The following PCM1 variants were observed in gnomAD, a reference collection of about 807,000 sequenced individuals.
PCM1 encodes pericentriolar material 1 protein.
Under a neutral mutation model 241.9 loss-of-function variants are expected in PCM1, and 157 were observed. The observed-to-expected ratio is 0.65, with a 90% CI of 0.57 to 0.74. The LOEUF is 0.74. PCM1 is among the 30% of genes least tolerant of loss of function. PCM1 has a pLI of 0.00. For missense variants in PCM1, 3,478 were observed against 2,360.1 expected (o/e 1.47, Z -9.81); for synonymous variants, 1,085 against 784.9 (o/e 1.38, Z -6.39).
intron 24 of PCM1, among the ~76,000 whole-genome samples, chr8:17,983,591 A>G (rs2081654939): frequency 6.6e-6 from 1 of 152,144 alleles, no homozygotes; most frequent in African/African-American, 2.4e-5. Context: ...GTACTTCTTC[A>G]AAGCATTAGT....
rs376487428 is a variant in PCM1, at chr8:18,006,312, G to T, written c.4877G>T (p.Arg1626Leu). Reference protein sequence around the residue: ...CSSQLLTSVRRMVLTLTQQND... With the variant: ...CSSQLLTSVRLMVLTLTQQND... Reference sequence around the variant, plus strand: ...TCGCAGCTTCTAACTTCAGTAAGGCGCATGGTTTTGACCCTTACCCAGCAA... The same window carrying T: ...TCGCAGCTTCTAACTTCAGTAAGGCTCATGGTTTTGACCCTTACCCAGCAA... Residue 1626 changes from arginine (R) to leucine (L), a missense_variant, in exon 30 of 39, where the codon CGC becomes CTC. Arg to Leu is a moderately radical substitution (Grantham distance 102). Coordinates refer to ENST00000325083, the MANE Select transcript of PCM1 (RefSeq NM_006197.4). 9 of 1,611,008 alleles carry T rather than the reference G, an allele frequency of 5.6e-6. No individual in the cohort carries two copies. Among genetic ancestry groups the T allele is most frequent in the African/African-American group, 5.3e-5 (4 of 74,828 alleles).
In PCM1 at chr8:18,027,969, T is replaced by A; in HGVS notation, c.*307T>A. 3.4e-6 allele frequency: 1 copy of A among 296,756 alleles called. No homozygotes were observed. Among genetic ancestry groups the A allele is most frequent in the Non-Finnish European group, 6.2e-6 (1 of 161,412 alleles). The allele number at this position is 296,756 out of a possible 1,614,324, so 18.4% of individuals were successfully genotyped here. A position where few individuals can be genotyped will look rare whatever the true frequency, so the allele number is the denominator to read the frequency against. ...TTTAAATAAAGTTTGGACTTATCTATAAAGTATCTTTTTTGGAAATTATAT... is the reference window on the plus strand; with the variant it reads ...TTTAAATAAAGTTTGGACTTATCTAAAAAGTATCTTTTTTGGAAATTATAT... On this transcript the variant is annotated 3_prime_UTR_variant, in exon 39 of 39. Transcript: ENST00000325083.
At chr8:17,992,460 A>G (rs1348516320) in intron 28 of PCM1, among the ~76,000 whole-genome samples, 1 of 152,094 alleles carries the variant, frequency 6.6e-6, no homozygotes, top group Non-Finnish European at 1.5e-5. Flanking sequence ...GTAGGATGGT[A>G]TCACATTGTA....
chr8:17,937,077 A>T, intron 3 of PCM1, 57 bp from the exon 4 acceptor site: 1 of 1,364,764 alleles, frequency 7.3e-7, no homozygotes, highest in East Asian at 2.5e-5. Flanking sequence ...AATTATACCA[A>T]TCTATTTTCC....
Position 18,014,589 on chromosome 8 carries a change from CA to C in PCM1, c.5594del (p.Asn1865IlefsTer5). The C allele has an allele frequency of 6.3e-7, 1 of 1,596,738 alleles. No individual in the cohort carries two copies. Among genetic ancestry groups the C allele is most frequent in the Non-Finnish European group, 8.5e-7 (1 of 1,169,724 alleles). ...AGACTTTCTTTTGATGACAGATGAC[CA>C]AAATAACTGTCCTGTGAAACCCTGT... is the stretch of plus-strand genomic sequence containing the variant. The part of the protein sequence containing the change: ...LEREATSKND[Q>X]NNCPVKPCYL... On this transcript the variant is annotated frameshift_variant, in exon 36 of 39. Transcript: ENST00000325083. LOFTEE classifies it high-confidence loss of function.
chr8:18,019,854 A>G (rs969665111), intron 36 of PCM1, among the ~76,000 whole-genome samples: 2 of 152,310 alleles, frequency 1.3e-5, no homozygotes, highest in East Asian at 3.9e-4. Flanking sequence ...GTAAAGGTCC[A>G]TTACATAGGA....
intron 15 of PCM1, among the ~76,000 whole-genome samples, chr8:17,961,358 G>A (rs1473625181): frequency 1.5e-5 from 2 of 130,722 alleles, no homozygotes; most frequent in African/African-American, 6.0e-5. Context: ...TGGCCCAGGT[G>A]GGAGTGCAGT....
chr8:17,983,326 TA>T, intron 24 of PCM1: 7 of 1,274,170 alleles, frequency 5.5e-6, no homozygotes, highest in Non-Finnish European at 7.2e-6. Flanking sequence ...CACTTTTTGT[TA>T]ATTTTTTCCC....
At chr8:18,025,899 T>C (rs2094155794) in intron 38 of PCM1, among the ~76,000 whole-genome samples, 1 of 152,054 alleles carries the variant, frequency 6.6e-6, no homozygotes, top group African/African-American at 2.4e-5. Context: ...GCGCGGTGGC[T>C]CACGCCTGTA....
At chr8:18,022,985 G>T (rs766795687) in intron 36 of PCM1, among the ~76,000 whole-genome samples, 8 of 152,068 alleles carry the variant, frequency 5.3e-5, no homozygotes, top group Non-Finnish European at 8.8e-5. Context: ...ATACATAGAA[G>T]TGTTTTTTTA....
chr8:17,952,852 G>C (rs1013705904), intron 8 of PCM1, 118 bp from the exon 9 acceptor site: 1 of 666,298 alleles, frequency 1.5e-6, no homozygotes, highest in African/African-American at 1.8e-5. Context: ...TTACCTACCA[G>C]CACAGCCTAG....
At chr8:17,934,751 A>G (rs1210453698) in intron 2 of PCM1, 3 of 152,154 alleles carry the variant, frequency 2.0e-5, no homozygotes, top group Admixed American at 6.5e-5. Flanking sequence ...GTGGAAATCC[A>G]AAGTCTTCTG....
intron 23 of PCM1, among the ~76,000 whole-genome samples, chr8:17,978,266 A>G (rs1002462440): frequency 3.3e-5 from 5 of 152,138 alleles, no homozygotes; most frequent in Admixed American, 2.0e-4. Context: ...AGAGACTTAC[A>G]AGAAGTTCTG....
At chr8:17,999,159 G>T (rs1432760873) in intron 29 of PCM1, among the ~76,000 whole-genome samples, 1 of 151,954 alleles carries the variant, frequency 6.6e-6, no homozygotes, top group African/African-American at 2.4e-5. Context: ...GATCGCTCTG[G>T]TACTTAAGGT....
rs1444691003 is a variant in PCM1 at position 17,983,264 on chromosome 8, C to G, written c.4109-2183C>G. ...CTAGGAGAATACTACAGCAGTCTAA[C>G]AGAAATGCATGCAATGAAGCGCCAG... On this transcript the variant is annotated intron_variant, in intron 24 of 38. Coordinates refer to ENST00000325083, the MANE Select transcript of PCM1 (RefSeq NM_006197.4). The G allele has an allele frequency of 3.0e-6, 4 of 1,325,124 alleles. No individual in the cohort carries two copies. The Admixed American group carries it at 6.7e-5, about 22-fold the overall frequency. The allele number at this position is 1,325,124 out of a possible 1,614,324, so 82.1% of individuals were successfully genotyped here.
rs370143688 is a variant in PCM1 at position 18,021,289 on chromosome 8, A to G, written c.5842-4072A>G. 2.0e-5 allele frequency among the ~76,000 whole-genome samples: 3 copies of G among 152,336 alleles called. 1 individual carries two copies. In the East Asian group the frequency reaches 5.8e-4, roughly 29 times the overall value. Reference sequence around the variant, plus strand: ...ATGGTGAAGAAAAACGTTTCAGATTATGAAAAAGATTATGAAAGCAGAAAT... The same window carrying G: ...ATGGTGAAGAAAAACGTTTCAGATTGTGAAAAAGATTATGAAAGCAGAAAT... On this transcript the variant is annotated intron_variant, in intron 36 of 38. Coordinates refer to ENST00000325083, the MANE Select transcript of PCM1 (RefSeq NM_006197.4).
intron 2 of PCM1, among the ~76,000 whole-genome samples, chr8:17,933,300 A>G (rs1343373333): frequency 6.6e-6 from 1 of 152,202 alleles, no homozygotes. Flanking sequence ...AACCATATAG[A>G]CAGCATTGTT....
intron 21 of PCM1, among the ~76,000 whole-genome samples, chr8:17,968,070 G>C (rs929588640): frequency 1.0e-4 from 15 of 146,296 alleles, no homozygotes; most frequent in African/African-American, 4.0e-4. Flanking sequence ...AAAAAAAAAA[G>C]AGTTGATATT....
At chr8:17,962,222 C>T (rs980375159) in intron 16 of PCM1, 48 bp downstream of exon 16, 4 of 1,409,572 alleles carry the variant, frequency 2.8e-6, no homozygotes, top group African/African-American at 2.9e-5. Flanking sequence ...TTTTGTTTTC[C>T]TTTTTTTTTC....
Sources: gnomAD v4.1 joint callset for allele counts (sites outside exome capture counted in the v4.1 genomes callset) on GRCh38, gnomAD v4.1.1 for gene constraint, MANE v1.5 for transcripts, NCBI Gene and HGNC (gene_info 2026-07-23, HGNC 2026-07-21) for gene names.